The following EYS variants were observed in gnomAD, a reference collection of about 807,000 sequenced individuals.
EYS encodes the protein EGF-like photoreceptor maintenance factor.
Under a neutral mutation model 282.1 loss-of-function variants are expected in EYS, and 250 were observed. That is an observed-to-expected ratio of 0.89 (90% CI 0.80 to 0.98). The LOEUF (loss-of-function observed/expected upper bound fraction) is 0.98, where lower values mean the gene tolerates loss of function less well. EYS is among the 50% of genes least tolerant of loss of function. EYS has a pLI of 0.00. For synonymous variants in EYS, 1,355 were observed against 1,282.9 expected (o/e 1.06, Z -1.20); for missense variants, 4,016 against 3,709.0 (o/e 1.08, Z -2.15).
chr6:64,059,976 T>A (rs1003018634), intron 33 of EYS, among the ~76,000 whole-genome samples: 1 of 151,720 alleles, frequency 6.6e-6, no homozygotes, highest in Non-Finnish European at 1.5e-5. Context: ...ATACACAAAT[T>A]AATATTGAAG....
intron 2 of EYS, among the ~76,000 whole-genome samples, chr6:65,604,743 T>C (rs1427122599): frequency 2.0e-5 from 3 of 151,928 alleles, no homozygotes; most frequent in Non-Finnish European, 2.9e-5. Flanking sequence ...GAAGGAAATA[T>C]GGATTGTTTG....
intron 26 of EYS, among the ~76,000 whole-genome samples, chr6:64,478,912 T>C (rs1776356901): frequency 6.6e-6 from 1 of 151,968 alleles, no homozygotes; most frequent in Non-Finnish European, 1.5e-5. Context: ...GGGTTTTAGA[T>C]AAATAAAAGA....
chr6:64,951,191 G>T (rs1373028201), intron 14 of EYS, among the ~76,000 whole-genome samples: 1 of 151,808 alleles, frequency 6.6e-6, no homozygotes, highest in Non-Finnish European at 1.5e-5. Flanking sequence ...AGCATTAGCA[G>T]TCTAGTAGTG....
In EYS at chr6:64,997,696, A is replaced by G. The variant is rs1173061162; in HGVS notation, c.2145T>C (p.Asp715=). The change falls in exon 14 of 43, where the codon GAT becomes GAC. Residue 715 remains aspartate, a synonymous_variant. Transcript: ENST00000503581. ...CTGGATTGCATAAGCAGGAAAAGCC[A>G]TCAACCACTGGAAACAACAGAAAAG... ...CQCVPPFKVV[D]GFSCLCNPGY... is the part of the protein sequence containing the mutation. The G allele has an allele frequency of 6.4e-7, 1 of 1,550,910 alleles. No individual in the cohort carries two copies. The highest frequency in any genetic ancestry group is 8.7e-7 in the Non-Finnish European group (1 of 1,146,436).
At chr6:63,850,288 C>A (rs987887915) in intron 36 of EYS, among the ~76,000 whole-genome samples, 3 of 152,062 alleles carry the variant, frequency 2.0e-5, no homozygotes, top group Non-Finnish European at 4.4e-5. Flanking sequence ...CCCAATCTAG[C>A]AAGACAGGCC....
At chr6:65,276,610 C>A (rs7750139) in intron 12 of EYS, among the ~76,000 whole-genome samples, 88,556 of 151,820 alleles carry the variant, frequency 0.58, 27,612 homozygotes, top group East Asian at 0.91. Flanking sequence ...CATTGAAAGC[C>A]TTTCTTGGTA....
At chr6:64,200,877 A>G (rs35226441) in intron 31 of EYS, among the ~76,000 whole-genome samples, 52,403 of 151,936 alleles carry the variant, frequency 0.34, 9,095 homozygotes, top group East Asian at 0.53. Flanking sequence ...AGGCTTTGGG[A>G]TAGTGAGTAC....
intron 5 of EYS, among the ~76,000 whole-genome samples, chr6:65,435,444 G>A (rs2150387673): frequency 6.6e-6 from 1 of 151,160 alleles, no homozygotes; most frequent in African/African-American, 2.4e-5. Flanking sequence ...GTCTTTTTAT[G>A]GGCTGATTAT....
At position 64,230,707 on chromosome 6, in the gene EYS, GC is replaced by G. The variant is rs1420766056; in HGVS notation, c.6308del (p.Cys2103SerfsTer21). On this transcript the variant is annotated frameshift_variant, in exon 31 of 43. Coordinates refer to ENST00000503581, the MANE Select transcript of EYS (RefSeq NM_001142800.2). LOFTEE classifies it high-confidence loss of function. The part of the protein sequence containing the change: ...VSPSVAAPSV[C>X]QQDVCHNGGT... ...CTCCATTGTGGCATACATCCTGCTG[GC>G]ACACAGAGGGTGCTGCAACAGAGGG... 2 of 1,551,528 alleles carry G rather than the reference GC, an allele frequency of 1.3e-6. No homozygotes were observed. The highest frequency in any genetic ancestry group is 1.7e-6 in the Non-Finnish European group (2 of 1,146,868).
chr6:63,951,522 T>A (rs999826842), intron 35 of EYS, among the ~76,000 whole-genome samples: 3 of 152,078 alleles, frequency 2.0e-5, no homozygotes, highest in South Asian at 2.1e-4. Flanking sequence ...ATCTTCCTTT[T>A]CTACCGACCC....
At chr6:64,076,146 T>A (rs1003095771) in intron 32 of EYS, among the ~76,000 whole-genome samples, 3 of 152,006 alleles carry the variant, frequency 2.0e-5, no homozygotes, top group African/African-American at 7.2e-5. Flanking sequence ...CGTGAAAACA[T>A]TATCTTTGTT....
intron 2 of EYS, among the ~76,000 whole-genome samples, chr6:65,507,700 G>T (rs1269915146): frequency 6.6e-6 from 1 of 151,868 alleles, no homozygotes; most frequent in African/African-American, 2.4e-5. Flanking sequence ...TCTTTCCTTA[G>T]CTTTCTACCT....
chr6:64,066,486 CATT>C lies in EYS; in HGVS notation c.6574_6576del (p.Asn2192del). 1 of 1,527,270 alleles carries C rather than the reference CATT, an allele frequency of 6.5e-7. No individual in the cohort carries two copies. The highest frequency in any genetic ancestry group is 1.4e-5 in the African/African-American group (1 of 72,348). 94.6% of individuals were successfully genotyped at this position (1,527,270 alleles called of 1,614,324 possible). On this transcript the variant is annotated inframe_deletion and splice_region_variant, in exon 33 of 43. Transcript: ENST00000503581. Reference sequence around the variant, plus strand: ...AGAAACTGCTTTCCACAATTATTCCCATTACCTTTAAGAAAAAAAGAATATATT... The same window carrying C: ...AGAAACTGCTTTCCACAATTATTCCCACCTTTAAGAAAAAAAGAATATATT...
chr6:64,624,299 T>C (rs1254339081), intron 23 of EYS, among the ~76,000 whole-genome samples: 1 of 152,152 alleles, frequency 6.6e-6, no homozygotes, highest in South Asian at 2.1e-4. Context: ...AGATGTTTAT[T>C]AACATGAAAC....
chr6:65,361,313 T>C (rs1294826658), intron 8 of EYS, among the ~76,000 whole-genome samples: 1 of 151,816 alleles, frequency 6.6e-6, no homozygotes, highest in African/African-American at 2.4e-5. Context: ...TGTATACATA[T>C]GTAACTAACC....
At chr6:63,798,475 A>C (rs958228509) in intron 37 of EYS, among the ~76,000 whole-genome samples, 6 of 152,174 alleles carry the variant, frequency 3.9e-5, no homozygotes, top group African/African-American at 7.2e-5. Flanking sequence ...TTTCTGTTAT[A>C]AAAAATTGAA....
chr6:64,395,480 T>C (rs1490759813), intron 28 of EYS, among the ~76,000 whole-genome samples: 3 of 152,052 alleles, frequency 2.0e-5, no homozygotes, highest in African/African-American at 7.3e-5. Context: ...GTGTCCTTTG[T>C]AGGGACATGG....
chr6:65,503,846 C>T (rs1381011811), intron 2 of EYS, among the ~76,000 whole-genome samples: 3 of 151,606 alleles, frequency 2.0e-5, no homozygotes, highest in African/African-American at 2.4e-5. Flanking sequence ...ACCAGGCTAC[C>T]TTGATTATTG....
intron 26 of EYS, among the ~76,000 whole-genome samples, chr6:64,456,285 G>T (rs1461988820): frequency 6.6e-6 from 1 of 152,032 alleles, no homozygotes; most frequent in Non-Finnish European, 1.5e-5. Context: ...GAAAAGGACT[G>T]ACTTCAAGAA....
Sources: allele counts gnomAD v4.1 joint callset (sites outside exome capture counted in the v4.1 genomes callset), GRCh38; gene constraint gnomAD v4.1.1; transcripts MANE v1.5; gene names NCBI Gene and HGNC (gene_info 2026-07-23, HGNC 2026-07-21).